The following CBX5 variants were observed in gnomAD, a reference collection of about 807,000 sequenced individuals.
CBX5 encodes the protein chromobox protein homolog 5.
Under a neutral mutation model 20.7 loss-of-function variants are expected in CBX5, and 7 were observed. That is an observed-to-expected ratio of 0.34 (90% CI 0.19 to 0.63). CBX5 has a LOEUF of 0.63. Ranked by LOEUF, CBX5 falls within the 30% of genes least tolerant of loss-of-function variation. CBX5 has a pLI of 0.75. For missense variants in CBX5, 110 were observed against 224.1 expected, an observed-to-expected ratio of 0.49 and a Z score of 3.25; for synonymous variants, 78 against 77.0, an observed-to-expected ratio of 1.01 and a Z score of -0.07.
chr12:54,251,343 C>T (rs1375905774), intron 3 of CBX5, among the ~76,000 whole-genome samples: 1 of 151,434 alleles, frequency 6.6e-6, no homozygotes, highest in African/African-American at 2.4e-5. Context: ...ATGGTAAAAC[C>T]CCGTCTCTAC....
chr12:54,271,360 C>T (rs188221658), intron 1 of CBX5, among the ~76,000 whole-genome samples: 480 of 152,302 alleles, frequency 3.2e-3, no homozygotes, highest in Non-Finnish European at 4.8e-3. Flanking sequence ...GAGTCTTGCT[C>T]TGTCACCCAG....
chr12:54,250,811 C>CAAAAAAAAAAA (rs1164585269), intron 3 of CBX5, among the ~76,000 whole-genome samples: 4 of 39,334 alleles, frequency 1.0e-4, no homozygotes, highest in Non-Finnish European at 1.3e-4. Flanking sequence ...GACTCCGTCT[C>CAAAAAAAAAAA]AAAAAAAAAA....
At chr12:54,247,252 AC>A (rs1234980768) in intron 3 of CBX5, among the ~76,000 whole-genome samples, 6 of 111,418 alleles carry the variant, frequency 5.4e-5, no homozygotes, top group African/African-American at 2.7e-4. Flanking sequence ...AAAAAAGAAA[AC>A]AAAAACAAAA....
At chr12:54,274,739 A>C (rs1459119968) in intron 1 of CBX5, among the ~76,000 whole-genome samples, 1 of 152,076 alleles carries the variant, frequency 6.6e-6, no homozygotes, top group Non-Finnish European at 1.5e-5. Context: ...GTAGATTGAG[A>C]CCATCCTGGC....
chr12:54,246,780 C>CAAAAA (rs772454046), intron 3 of CBX5, among the ~76,000 whole-genome samples: 12 of 46,084 alleles, frequency 2.6e-4, no homozygotes, highest in East Asian at 6.3e-4. Context: ...GACTCCGTCT[C>CAAAAA]AAAAAAAAAA....
intron 1 of CBX5, chr12:54,274,200 G>A (rs1405449675): frequency 6.6e-6 from 1 of 152,220 alleles, no homozygotes; most frequent in Non-Finnish European, 1.5e-5. Context: ...CAAGTGTAAA[G>A]CTGTCATCAG....
At chr12:54,270,351 C>A (rs1228445322) in intron 1 of CBX5, among the ~76,000 whole-genome samples, 1 of 152,208 alleles carries the variant, frequency 6.6e-6, no homozygotes, top group Non-Finnish European at 1.5e-5. Context: ...TCATAGCTCA[C>A]TGCAGCCTTG....
At chr12:54,263,920 G>A (rs924930583) in intron 1 of CBX5, among the ~76,000 whole-genome samples, 15 of 151,958 alleles carry the variant, frequency 9.9e-5, no homozygotes, top group Admixed American at 2.6e-4. Context: ...GCGGGAGCCT[G>A]TAGTCCCAGC....
chr12:54,269,704 T>C (rs1262846485), intron 1 of CBX5, among the ~76,000 whole-genome samples: 1 of 152,164 alleles, frequency 6.6e-6, no homozygotes, highest in Non-Finnish European at 1.5e-5. Context: ...GGCGTTTTCT[T>C]TGTGGGATTA....
intron 1 of CBX5, among the ~76,000 whole-genome samples, chr12:54,269,650 GTGCTGGGAT>G (rs1218124228): frequency 6.6e-6 from 1 of 152,152 alleles, no homozygotes; most frequent in Non-Finnish European, 1.5e-5. Flanking sequence ...GCCTCCCAAA[GTGCTGGGAT>G]TACAGGCATG....
intron 1 of CBX5, chr12:54,271,853 A>AT (rs1334987401): frequency 6.6e-6 from 1 of 152,248 alleles, no homozygotes; most frequent in Non-Finnish European, 1.5e-5. Context: ...AGTTAAAAAA[A>AT]TTTTAATGAA....
intron 4 of CBX5, among the ~76,000 whole-genome samples, chr12:54,242,524 C>CAAAA (rs34124128): frequency 1.3e-5 from 1 of 76,976 alleles, no homozygotes; most frequent in African/African-American, 4.8e-5. Context: ...GACTCCGTCT[C>CAAAA]AAAAAAAAAA....
In CBX5 at chr12:54,231,738, C is replaced by G. The variant is rs937516041; in HGVS notation, c.*10017G>C. 6.6e-6 allele frequency: 1 copy of G among 152,162 alleles called. No individual in the cohort carries two copies. The highest frequency in any genetic ancestry group is 2.4e-5 in the African/African-American group (1 of 41,408). The allele number at this position is 152,162 out of a possible 1,614,324, so 9.4% of individuals were successfully genotyped here. The stretch of plus-strand genomic sequence containing the variant: ...TCAGACTGCAGACACTAAGAGATGA[C>G]AGATGTTGAATACGGTGAATGGGAT... On this transcript the variant is annotated 3_prime_UTR_variant, in exon 5 of 5. Coordinates refer to ENST00000209875, the MANE Select transcript of CBX5 (RefSeq NM_012117.3).
At position 54,257,489 on chromosome 12, in the gene CBX5, C is replaced by A. The variant is rs771300504; in HGVS notation, c.137+25G>T. 12 of 1,613,514 alleles carry A rather than the reference C, an allele frequency of 7.4e-6. No homozygotes were observed. The Admixed American group carries it at 1.0e-4, about 13-fold the overall frequency. On this transcript the variant is annotated intron_variant, in intron 2 of 4. Transcript: ENST00000209875. ...GGTATCTATCTCTACAGAGTCCCAA[C>A]GCCTGGGGGAAAAAAGGAACTTACT...
At chr12:54,274,981 C>A (rs1944047404) in intron 1 of CBX5, among the ~76,000 whole-genome samples, 1 of 152,034 alleles carries the variant, frequency 6.6e-6, no homozygotes, top group African/African-American at 2.4e-5. Flanking sequence ...GCGACTTAGT[C>A]TTCCTCAAAA....
intron 1 of CBX5, among the ~76,000 whole-genome samples, chr12:54,264,469 A>G (rs148264335): frequency 6.6e-6 from 1 of 152,260 alleles, no homozygotes; most frequent in African/African-American, 2.4e-5. Flanking sequence ...TTATCTTGTT[A>G]TAGTCATTTC....
At position 54,232,910 on chromosome 12, in the gene CBX5, A is replaced by G. The variant is rs1943582630; in HGVS notation, c.*8845T>C. 1 of 152,176 alleles carries G rather than the reference A, an allele frequency of 6.6e-6. No individual in the cohort carries two copies. Among genetic ancestry groups the G allele is most frequent in the Non-Finnish European group, 1.5e-5 (1 of 68,036 alleles). 9.4% of individuals were successfully genotyped at this position (152,176 alleles called of 1,614,324 possible). A position where few individuals can be genotyped will look rare whatever the true frequency, so the allele number is the denominator to read the frequency against. On this transcript the variant is annotated 3_prime_UTR_variant, in exon 5 of 5. Transcript: ENST00000209875. ...TATACTGAGTAACCTGAATTCCTAA[A>G]ATCCAGAAAGCAAGATCACATTCCA...
chr12:54,269,578 G>A (rs555417123), intron 1 of CBX5, among the ~76,000 whole-genome samples: 2 of 152,176 alleles, frequency 1.3e-5, no homozygotes, highest in African/African-American at 4.8e-5. Context: ...TAGTAGAGAC[G>A]GGGCTTCACC....
In CBX5 at chr12:54,237,641, T is replaced by TAA. The variant is rs943704267; in HGVS notation, c.*4113_*4114insTT. On this transcript the variant is annotated 3_prime_UTR_variant, in exon 5 of 5. Transcript: ENST00000209875. ...GTGAGCAAAAAACAGAAGCTTGTTT[T>TAA]GGGGACAGGAATTCCAAGAGTCTGA... The TAA allele has an allele frequency of 1.3e-5, 2 of 153,280 alleles. No homozygotes were observed. Among genetic ancestry groups the TAA allele is most frequent in the African/African-American group, 4.8e-5 (2 of 41,460 alleles). 9.5% of individuals were successfully genotyped at this position (153,280 alleles called of 1,614,324 possible).
Sources: allele counts gnomAD v4.1 joint callset (sites outside exome capture counted in the v4.1 genomes callset), GRCh38; gene constraint gnomAD v4.1.1; transcripts MANE v1.5; gene names NCBI Gene and HGNC (gene_info 2026-07-23, HGNC 2026-07-21).